The following CHRNA3 variants were observed in gnomAD, a reference collection of about 807,000 sequenced individuals.
CHRNA3 encodes neuronal acetylcholine receptor subunit alpha-3.
CHRNA3 carries 34 observed loss-of-function variants against 41.9 expected under a neutral mutation model. The ratio of observed to expected loss-of-function variants is 0.81; its 90% confidence interval spans 0.62 to 1.08. The LOEUF is 1.08. CHRNA3 is among the 50% of genes least tolerant of loss of function. The pLI, the probability that CHRNA3 is intolerant of heterozygous loss-of-function variation, is 0.00. For missense variants in CHRNA3, 542 were observed against 638.3 expected (o/e 0.85, Z 1.63); for synonymous variants, 281 against 265.2 (o/e 1.06, Z -0.58).
intron 4 of CHRNA3, 135 bp from the exon 5 acceptor site, chr15:78,602,399 G>T (rs1296181094): frequency 2.0e-6 from 2 of 999,280 alleles, no homozygotes; most frequent in Non-Finnish European, 2.9e-6. Context: ...TGCCATAAAA[G>T]GTCACCCATT....
chr15:78,607,807 T>G (rs2053317261), intron 4 of CHRNA3, among the ~76,000 whole-genome samples: 2 of 152,156 alleles, frequency 1.3e-5, no homozygotes, highest in South Asian at 4.1e-4. Flanking sequence ...GTCAGGGAGT[T>G]CCCTTTCCTA....
rs369192242 is a variant in CHRNA3 at position 78,601,535 on chromosome 15, C to T, written c.1107G>A (p.Pro369=). 59 of 1,614,104 alleles carry T rather than the reference C, an allele frequency of 3.7e-5. No homozygotes were observed. In the African/African-American group the frequency reaches 4.0e-4, roughly 11 times the overall value. ...PTSNEGNAQK[P]RPLYGAELSN... ...AGAGCTCGGCACCGTAGAGGGGCCTCGGCTTCTGAGCGTTGCCCTCGTTGC... is the reference window on the plus strand; with the variant it reads ...AGAGCTCGGCACCGTAGAGGGGCCTTGGCTTCTGAGCGTTGCCCTCGTTGC... Residue 369 remains proline, a synonymous_variant, in exon 5 of 6, where the codon CCG becomes CCA. Coordinates refer to ENST00000326828, the MANE Select transcript of CHRNA3 (RefSeq NM_000743.5).
chr15:78,601,413 A>G lies in CHRNA3; in HGVS notation c.1229T>C (p.Ile410Thr). The G allele has an allele frequency of 6.2e-7, 1 of 1,614,174 alleles. No individual in the cohort carries two copies. Among genetic ancestry groups the G allele is most frequent in the Non-Finnish European group, 8.5e-7 (1 of 1,180,030 alleles). Residue 410 changes from isoleucine (I) to threonine (T), a missense_variant, in exon 5 of 6, where the codon ATA becomes ACA. Ile to Thr is a moderately conservative substitution (Grantham distance 89, BLOSUM62 -1). Transcript: ENST00000326828. ...GMCGYCHHRR[I>T]KISNFSANLT... ...GTTAGCACTGAAATTGGAGATTTTT[A>G]TCCTGCGGTGGTGGCAGTAACCACA...
At chr15:78,620,605 C>A (rs1163417545) in intron 1 of CHRNA3, 108 bp downstream of exon 1, 5 of 1,401,744 alleles carry the variant, frequency 3.6e-6, no homozygotes, top group African/African-American at 3.1e-5. Flanking sequence ...GGCGACGGCG[C>A]CAGCCCTCTC....
rs753819033 is a variant in CHRNA3 at position 78,618,757 on chromosome 15, C to T, written c.222+19G>A. On this transcript the variant is annotated intron_variant, in intron 2 of 5. Coordinates refer to ENST00000326828, the MANE Select transcript of CHRNA3 (RefSeq NM_000743.5). ...AGCCCCGGTCCCCATGGCCACGGCT[C>T]GTGGCTTCCAGCACTCACCACCTTC... 1.3e-5 allele frequency: 21 copies of T among 1,614,070 alleles called. No homozygotes were observed. Among genetic ancestry groups the T allele is most frequent in the Middle Eastern group, 3.3e-4 (2 of 6,060 alleles).
chr15:78,619,018 G>C (rs2053510047), intron 1 of CHRNA3, 103 bp from the exon 2 acceptor site: 1 of 1,336,704 alleles, frequency 7.5e-7, no homozygotes, highest in Non-Finnish European at 1.0e-6. Context: ...CTCCACCTGT[G>C]GGGGGATTCT....
chr15:78,620,384 A>ACGGGCAGCGCGGGGCAGGGCGT, intron 1 of CHRNA3: 2 of 335,238 alleles, frequency 6.0e-6, no homozygotes, highest in Non-Finnish European at 1.1e-5. Context: ...GGGCAGGGCG[A>ACGGGCAGCGCGGGGCAGGGCGT]CGGGCAGCGC....
chr15:78,598,346 C>G (rs945340993), intron 5 of CHRNA3, among the ~76,000 whole-genome samples: 1 of 151,682 alleles, frequency 6.6e-6, no homozygotes, highest in African/African-American at 2.4e-5. Context: ...GGGTTTTATA[C>G]ATGAATAGAA....
downstream of CHRNA3, chr15:78,595,154 G>A (rs2053081066): frequency 7.0e-6 from 2 of 285,644 alleles, no homozygotes; most frequent in Non-Finnish European, 1.0e-5. Context: ...TGAAAGCCTG[G>A]TGTGATGAAT....
chr15:78,608,178 C>A lies in CHRNA3; in HGVS notation c.378-5914G>T, dbSNP rs569308878. On this transcript the variant is annotated intron_variant, in intron 4 of 5. Coordinates refer to ENST00000326828, the MANE Select transcript of CHRNA3 (RefSeq NM_000743.5). ...ACAAACAAAAAGACAGCAGTAACCTCTGCAGACTTCCCTGTCTGACAGCTT... is the reference window on the plus strand; with the variant it reads ...ACAAACAAAAAGACAGCAGTAACCTATGCAGACTTCCCTGTCTGACAGCTT... 1.3e-3 allele frequency among the ~76,000 whole-genome samples: 204 copies of A among 152,384 alleles called. 1 individual carries two copies. The highest frequency in any genetic ancestry group is 2.0e-3 in the Non-Finnish European group (138 of 68,038).
At chr15:78,607,710 A>AGACAGTGGGTGCAG (rs1163456372) in intron 4 of CHRNA3, among the ~76,000 whole-genome samples, 2 of 152,352 alleles carry the variant, frequency 1.3e-5, no homozygotes, top group Non-Finnish European at 2.9e-5. Context: ...AGGGAGTGCC[A>AGACAGTGGGTGCAG]GACAGTGGGT....
chr15:78,608,308 C>G (rs111704647), intron 4 of CHRNA3, among the ~76,000 whole-genome samples: 22 of 152,058 alleles, frequency 1.4e-4, no homozygotes, highest in African/African-American at 4.8e-4. Context: ...CTGGGAGACA[C>G]CCCCCAAGTA....
In CHRNA3 at chr15:78,602,182, T is replaced by G; in HGVS notation, c.460A>C (p.Ile154Leu). 1.2e-6 allele frequency: 2 copies of G among 1,614,114 alleles called. No individual in the cohort carries two copies. The highest frequency in any genetic ancestry group is 1.7e-6 in the Non-Finnish European group (2 of 1,180,006). ...TGEVTWIPPA[I>L]FKSSCKIDVT... is the part of the protein sequence containing the mutation. ...TCGATTTTACAGGAGCTCTTAAAGA[T>G]GGCCGGAGGTATCCAAGTCACCTCC... Residue 154 changes from isoleucine (I) to leucine (L), a missense_variant, in exon 5 of 6, where the codon ATC becomes CTC. Physicochemically the swap from Ile to Leu is conservative, Grantham distance 5 (BLOSUM62 2). Transcript: ENST00000326828.
Position 78,596,839 on chromosome 15 carries a change from C to T in CHRNA3, c.1390-107G>A, listed in dbSNP as rs1297344681. ...CACGTTGCAGTAGAAGCCATTTTGT[C>T]TCTAATATGTAAGAAGCCCTTTTTT... On this transcript the variant is annotated intron_variant, in intron 5 of 5. Coordinates refer to ENST00000326828, the MANE Select transcript of CHRNA3 (RefSeq NM_000743.5). 4 of 1,436,450 alleles carry T rather than the reference C, an allele frequency of 2.8e-6. No individual in the cohort carries two copies. The East Asian group carries it at 7.4e-5, about 27-fold the overall frequency. The allele number at this position is 1,436,450 out of a possible 1,614,324, so 89.0% of individuals were successfully genotyped here.
rs937143073 is a variant in CHRNA3 at position 78,620,743 on chromosome 15, GCAGC to G, written c.48_51del (p.Leu17CysfsTer36). ...AGCAGAGACAGCAGCAGCAGCAGCA[GCAGC>G]CGCGGCGGCGACAGCGCCAGGGGCA... On this transcript the variant is annotated frameshift_variant, in exon 1 of 6. Transcript: ENST00000326828. LOFTEE classifies it high-confidence loss of function. The G allele has an allele frequency of 4.7e-5, 70 of 1,499,922 alleles. No homozygotes were observed. The highest frequency in any genetic ancestry group is 6.2e-5 in the Non-Finnish European group (70 of 1,131,432). 92.9% of individuals were successfully genotyped at this position (1,499,922 alleles called of 1,614,324 possible). A position where few individuals can be genotyped will look rare whatever the true frequency, so the allele number is the denominator to read the frequency against.
intron 4 of CHRNA3, among the ~76,000 whole-genome samples, chr15:78,613,219 G>A (rs1340868771): frequency 6.6e-6 from 1 of 152,028 alleles, no homozygotes; most frequent in Non-Finnish European, 1.5e-5. Context: ...CCCATTACTG[G>A]GTATATACCC....
rs981167546 is a variant in CHRNA3 at position 78,603,495 on chromosome 15, C to G, written c.378-1231G>C. On this transcript the variant is annotated intron_variant, in intron 4 of 5. Transcript: ENST00000326828. The stretch of plus-strand genomic sequence containing the variant: ...CCCAGGAAGGTTCTTAAACATTCCT[C>G]GGATCAGCCCTGTTAAGTTTCTTAG... Among the ~76,000 whole-genome samples the G allele has an allele frequency of 2.4e-4, 37 of 152,220 alleles. 1 individual carries two copies. The highest frequency in any genetic ancestry group is 2.4e-3 in the Admixed American group (36 of 15,286).
chr15:78,601,855 A>G lies in CHRNA3; in HGVS notation c.787T>C (p.Phe263Leu). 6.2e-7 allele frequency: 1 copy of G among 1,614,148 alleles called. No individual in the cohort carries two copies. The highest frequency in any genetic ancestry group is 8.5e-7 in the Non-Finnish European group (1 of 1,180,010). The change falls in exon 5 of 6, where the codon TTC becomes CTC. Residue 263 changes from phenylalanine to leucine, a missense_variant. By Grantham distance (22) the Phe-to-Leu change is conservative. Transcript: ENST00000326828. ...LLISFLTVLV[F>L]YLPSDCGEKV... is the part of the protein sequence containing the mutation. The stretch of plus-strand genomic sequence containing the variant: ...TCACCGCAGTCGGAGGGCAGGTAGA[A>G]GACGAGCACAGTGAGGAAGGAGATG...
intron 4 of CHRNA3, among the ~76,000 whole-genome samples, chr15:78,610,748 A>G (rs967639197): frequency 6.6e-6 from 1 of 151,892 alleles, no homozygotes. Context: ...AAGGAAATAG[A>G]GACACAAAAA....
Sources: gnomAD v4.1 joint callset for allele counts (sites outside exome capture counted in the v4.1 genomes callset) on GRCh38, gnomAD v4.1.1 for gene constraint, MANE v1.5 for transcripts, NCBI Gene and HGNC (gene_info 2026-07-23, HGNC 2026-07-21) for gene names.